Variants in RBFOX1 observed in about 807,000 individuals in gnomAD.
RBFOX1 encodes the protein RNA binding protein fox-1 homolog 1.
In RBFOX1, 8 loss-of-function variants were observed where a neutral mutation model predicts 57.7. The ratio of observed to expected loss-of-function variants is 0.14; its 90% CI spans 0.08 to 0.25. RBFOX1 has a LOEUF of 0.25. RBFOX1 is among the 10% of genes least tolerant of loss of function. The pLI, the probability that RBFOX1 is intolerant of heterozygous loss-of-function variation, is 1.00. For missense variants in RBFOX1, 611 were observed against 548.5 expected, an observed-to-expected ratio of 1.11 and a Z score of -1.14; for synonymous variants, 326 against 222.4, an observed-to-expected ratio of 1.47 and a Z score of -4.15.
At chr16:7,352,438 C>A (rs142892523) in intron 4 of RBFOX1, among the ~76,000 whole-genome samples, 1 of 152,084 alleles carries the variant, frequency 6.6e-6, no homozygotes, top group Non-Finnish European at 1.5e-5. Flanking sequence ...GTAGCTATTG[C>A]CTTACTCAGG....
chr16:6,574,312 C>T (rs913940970), intron 2 of RBFOX1, among the ~76,000 whole-genome samples: 2 of 152,062 alleles, frequency 1.3e-5, no homozygotes, highest in South Asian at 2.1e-4. Flanking sequence ...TAGGTCTCCC[C>T]ATGGCAACAG....
At chr16:5,271,318 C>G (rs1019570927) in intron 1 of RBFOX1, among the ~76,000 whole-genome samples, 1 of 152,180 alleles carries the variant, frequency 6.6e-6, no homozygotes, top group Non-Finnish European at 1.5e-5. Flanking sequence ...GATTGTGACA[C>G]TGCACTCCAG....
chr16:6,108,961 A>G (rs1243164850), intron 1 of RBFOX1, among the ~76,000 whole-genome samples: 1 of 152,150 alleles, frequency 6.6e-6, no homozygotes, highest in African/African-American at 2.4e-5. Context: ...CTCATCTACA[A>G]AGACCCTTTT....
intron 4 of RBFOX1, among the ~76,000 whole-genome samples, chr16:7,087,896 T>TTCTCTC (rs145360066): frequency 6.6e-6 from 1 of 151,542 alleles, no homozygotes; most frequent in Non-Finnish European, 1.5e-5. Flanking sequence ...CTCTTTCTCT[T>TTCTCTC]TCTCTCTCTC....
At chr16:5,589,523 T>C (rs2046938853) in intron 2 of RBFOX1, among the ~76,000 whole-genome samples, 2 of 152,128 alleles carry the variant, frequency 1.3e-5, no homozygotes, top group Non-Finnish European at 2.9e-5. Context: ...TCCAAGGCCA[T>C]ATAGCTCATT....
chr16:6,469,562 A>G (rs1019197538), intron 2 of RBFOX1, among the ~76,000 whole-genome samples: 29 of 152,218 alleles, frequency 1.9e-4, no homozygotes, highest in African/African-American at 5.8e-4. Context: ...GCTCGGAGGT[A>G]TCTCAGCACT....
chr16:6,953,037 A>T (rs1345008167), intron 3 of RBFOX1, among the ~76,000 whole-genome samples: 1 of 152,168 alleles, frequency 6.6e-6, no homozygotes, highest in Non-Finnish European at 1.5e-5. Flanking sequence ...AATGTATATT[A>T]AGCATTATTA....
At chr16:5,639,965 C>G (rs750841850) in intron 3 of RBFOX1, among the ~76,000 whole-genome samples, 1 of 152,180 alleles carries the variant, frequency 6.6e-6, no homozygotes, top group African/African-American at 2.4e-5. Context: ...TGCCCAGAGC[C>G]TTGTTTTCTG....
At chr16:7,308,275 G>T (rs928918598) in intron 4 of RBFOX1, among the ~76,000 whole-genome samples, 6 of 145,436 alleles carry the variant, frequency 4.1e-5, no homozygotes, top group Admixed American at 2.1e-4. Flanking sequence ...TGCAAACTGC[G>T]TGTCAGATTC....
At chr16:6,977,227 C>T (rs1043113734) in intron 3 of RBFOX1, among the ~76,000 whole-genome samples, 1 of 147,434 alleles carries the variant, frequency 6.8e-6, no homozygotes, top group Middle Eastern at 3.6e-3. Context: ...ATCATATAAT[C>T]ATATATGATT....
At chr16:7,615,965 T>C (rs975249776) in intron 10 of RBFOX1, among the ~76,000 whole-genome samples, 7 of 152,234 alleles carry the variant, frequency 4.6e-5, no homozygotes, top group African/African-American at 1.7e-4. Context: ...TAATAATGTA[T>C]GAACAGCTGC....
At chr16:6,279,059 C>T (rs1040590283) in intron 1 of RBFOX1, among the ~76,000 whole-genome samples, 8 of 152,076 alleles carry the variant, frequency 5.3e-5, no homozygotes, top group South Asian at 2.1e-4. Flanking sequence ...GGTGATAAAT[C>T]ATTGCAGGTG....
chr16:5,689,756 G>C (rs2050613421), intron 3 of RBFOX1, among the ~76,000 whole-genome samples: 1 of 151,682 alleles, frequency 6.6e-6, no homozygotes, highest in Non-Finnish European at 1.5e-5. Context: ...AGAACAACAG[G>C]GACAAGATCT....
chr16:7,703,377 C>T (rs929382325), intron 14 of RBFOX1, among the ~76,000 whole-genome samples: 7 of 152,152 alleles, frequency 4.6e-5, no homozygotes, highest in African/African-American at 1.7e-4. Flanking sequence ...GATGTCTTTG[C>T]TACCTTCTGA....
chr16:5,881,974 G>A (rs1170760597), intron 4 of RBFOX1, among the ~76,000 whole-genome samples: 1 of 152,130 alleles, frequency 6.6e-6, no homozygotes, highest in Non-Finnish European at 1.5e-5. Flanking sequence ...GCACTCCCTT[G>A]GTGCCAGGTT....
intron 4 of RBFOX1, among the ~76,000 whole-genome samples, chr16:7,238,101 G>C (rs1031188601): frequency 5.9e-5 from 9 of 152,178 alleles, no homozygotes; most frequent in African/African-American, 2.2e-4. Flanking sequence ...AACAAATATT[G>C]CATGATTCCA....
chr16:7,243,110 A>G (rs1302394000), intron 4 of RBFOX1, among the ~76,000 whole-genome samples: 8 of 152,314 alleles, frequency 5.3e-5, no homozygotes, highest in Middle Eastern at 3.4e-3. Flanking sequence ...AGGAATATCA[A>G]TATAGAATAC....
At chr16:6,480,443 A>G (rs1403774910) in intron 2 of RBFOX1, among the ~76,000 whole-genome samples, 1 of 152,226 alleles carries the variant, frequency 6.6e-6, no homozygotes, top group African/African-American at 2.4e-5. Flanking sequence ...ATAAAACCTC[A>G]TTCATGGATG....
chr16:5,874,545 G>T (rs1168759688), intron 4 of RBFOX1, among the ~76,000 whole-genome samples: 1 of 152,116 alleles, frequency 6.6e-6, no homozygotes, highest in African/African-American at 2.4e-5. Flanking sequence ...AAGATGGAGA[G>T]TAAATGTGGA....
Sources: gnomAD v4.1 joint callset for allele counts (sites outside exome capture counted in the v4.1 genomes callset) on GRCh38, gnomAD v4.1.1 for gene constraint, MANE v1.5 for transcripts, NCBI Gene and HGNC (gene_info 2026-07-23, HGNC 2026-07-21) for gene names.